The following TTLL11 variants were observed in gnomAD, a reference collection of about 807,000 sequenced individuals.
The protein encoded by TTLL11 is tubulin polyglutamylase TTLL11.
TTLL11 carries 42 observed loss-of-function variants against 51.7 expected under a neutral mutation model. That is an observed-to-expected ratio of 0.81 (90% confidence interval 0.64 to 1.05). The LOEUF is 1.05. Among genes scored for constraint, TTLL11 ranks in the 50% least tolerant of loss-of-function variants. The probability of loss-of-function intolerance (pLI) is 0.00; values close to 1 mark genes in which losing one functional copy is unlikely to be tolerated. For missense variants in TTLL11, 799 were observed against 940.4 expected, an observed-to-expected ratio of 0.85 and a Z score of 1.97; for synonymous variants, 381 against 383.5, an observed-to-expected ratio of 0.99 and a Z score of 0.08.
intron 6 of TTLL11, among the ~76,000 whole-genome samples, chr9:121,897,358 A>T (rs532234265): frequency 6.6e-6 from 1 of 152,276 alleles, no homozygotes; most frequent in African/African-American, 2.4e-5. Flanking sequence ...AAACCTGAGC[A>T]GCCTGAGCCG....
intron 6 of TTLL11, among the ~76,000 whole-genome samples, chr9:121,930,322 A>G (rs966402457): frequency 1.2e-4 from 18 of 152,232 alleles, no homozygotes; most frequent in Non-Finnish European, 1.8e-4. Context: ...AAGGCCTTCA[A>G]TTCTTCAAAG....
chr9:121,867,741 T>G (rs1410820232), intron 7 of TTLL11, among the ~76,000 whole-genome samples: 1 of 152,040 alleles, frequency 6.6e-6, no homozygotes, highest in Non-Finnish European at 1.5e-5. Context: ...CATTCTGTAC[T>G]TGGAGCACTC....
At chr9:121,849,753 GA>G (rs1837614797) in intron 8 of TTLL11, among the ~76,000 whole-genome samples, 1 of 152,166 alleles carries the variant, frequency 6.6e-6, no homozygotes, top group Non-Finnish European at 1.5e-5. Flanking sequence ...ACTAAGTGTT[GA>G]CAAGGATGTG....
At chr9:121,867,084 G>C (rs553031235) in intron 7 of TTLL11, among the ~76,000 whole-genome samples, 8 of 152,164 alleles carry the variant, frequency 5.3e-5, no homozygotes, top group Non-Finnish European at 1.0e-4. Context: ...TTCTTGGTTA[G>C]AGCCATTCTC....
chr9:121,854,666 C>T (rs939470440), intron 8 of TTLL11, among the ~76,000 whole-genome samples: 2 of 152,180 alleles, frequency 1.3e-5, no homozygotes, highest in Non-Finnish European at 2.9e-5. Context: ...AATCTTGATG[C>T]TGTCCTCATC....
intron 3 of TTLL11, among the ~76,000 whole-genome samples, chr9:122,027,729 C>T (rs1844391612): frequency 6.6e-6 from 1 of 152,114 alleles, no homozygotes; most frequent in South Asian, 2.1e-4. Context: ...AATTTGTCAC[C>T]AGCAGACCTG....
Position 121,822,649 on chromosome 9 carries a change from T to C in TTLL11, c.2071A>G (p.Asn691Asp). Reference protein sequence around the residue: ...PSPSAQPAGDNPPPRTSCANK... With the variant: ...PSPSAQPAGDDPPPRTSCANK... ...GCACAGCTGGTGCGGGGTGGGGGGT[T>C]GTCCCCTGCTGGCTGGGCCGAGGGG... Residue 691 changes from asparagine to aspartate, a missense_variant, in exon 9 of 9, where the codon AAC becomes GAC. This residue lies in a region of TTLL11 where 165 missense variants were observed against 166.1 expected (regional missense o/e 0.99). Transcript: ENST00000321582. This position sits in a 1 kb window ranked among gnomAD's most constrained non-coding sequence, Gnocchi z 5.8. The C allele has an allele frequency of 6.6e-7, 1 of 1,517,282 alleles. No individual in the cohort carries two copies. The highest frequency in any genetic ancestry group is 8.8e-7 in the Non-Finnish European group (1 of 1,131,592). The allele number at this position is 1,517,282 out of a possible 1,614,324, so 94.0% of individuals were successfully genotyped here.
intron 6 of TTLL11, among the ~76,000 whole-genome samples, chr9:121,954,019 C>T (rs1841941299): frequency 1.3e-5 from 2 of 152,322 alleles, no homozygotes; most frequent in Admixed American, 6.5e-5. Flanking sequence ...GATGACAGAG[C>T]TGGCCGAGGG....
At chr9:121,855,525 C>T (rs1459625421) in intron 8 of TTLL11, among the ~76,000 whole-genome samples, 1 of 152,154 alleles carries the variant, frequency 6.6e-6, no homozygotes, top group Non-Finnish European at 1.5e-5. Context: ...TCAGTGGGCA[C>T]CAAAGTCTTA....
chr9:121,877,875 C>A (rs923215721), intron 6 of TTLL11, among the ~76,000 whole-genome samples: 1 of 152,164 alleles, frequency 6.6e-6, no homozygotes, highest in African/African-American at 2.4e-5. Flanking sequence ...CTGCATCATG[C>A]GGCCTCCATA....
At chr9:121,877,390 C>G (rs1167490880) in intron 6 of TTLL11, among the ~76,000 whole-genome samples, 1 of 152,158 alleles carries the variant, frequency 6.6e-6, no homozygotes, top group Non-Finnish European at 1.5e-5. Context: ...TGCTAGGCAA[C>G]TTGAAGGGAA....
At position 122,018,262 on chromosome 9, in the gene TTLL11, G is replaced by A. The variant is rs375776580; in HGVS notation, c.693+13461C>T. The stretch of plus-strand genomic sequence containing the variant: ...CGAGTAGCTGGGACTACAGGCGCCC[G>A]CCACCACGCCTGGCTAATTTTTTGT... On this transcript the variant is annotated intron_variant, in intron 3 of 8. Coordinates refer to ENST00000321582, the MANE Select transcript of TTLL11 (RefSeq NM_001139442.2). Among the ~76,000 whole-genome samples, 482 of 151,846 alleles carry A rather than the reference G, an allele frequency of 3.2e-3. 5 individuals carry two copies. The highest frequency in any genetic ancestry group is 0.011 in the African/African-American group (456 of 41,402).
Position 121,853,770 on chromosome 9 carries a change from C to CTG in TTLL11, c.1840+6565_1840+6566dup, listed in dbSNP as rs910093241. Among the ~76,000 whole-genome samples the CTG allele has an allele frequency of 7.2e-5, 11 of 152,192 alleles. No individual in the cohort carries two copies. Among genetic ancestry groups the CTG allele is most frequent in the African/African-American group, 2.7e-4 (11 of 41,456 alleles). On this transcript the variant is annotated intron_variant, in intron 8 of 8. Transcript: ENST00000321582. This position sits in a 1 kb window ranked among gnomAD's most constrained non-coding sequence, Gnocchi z 5.6. ...GTCGCCAGGGTGGGATGAGGAGGGCCTGGCACTCTGTCAGCCACCAAGGGA... is the reference window on the plus strand; with the variant it reads ...GTCGCCAGGGTGGGATGAGGAGGGCCTGTGGCACTCTGTCAGCCACCAAGGGA...
At chr9:122,000,924 A>T (rs1382295569) in intron 3 of TTLL11, among the ~76,000 whole-genome samples, 1 of 152,266 alleles carries the variant, frequency 6.6e-6, no homozygotes. Flanking sequence ...AATACATAAC[A>T]GTAACAACTA....
intron 6 of TTLL11, among the ~76,000 whole-genome samples, chr9:121,968,473 T>C (rs992937539): frequency 1.3e-5 from 2 of 152,248 alleles, no homozygotes; most frequent in African/African-American, 4.8e-5. Flanking sequence ...GATTTTAAAC[T>C]AAAAAATCTG....
chr9:122,068,371 G>T (rs1334770754), intron 1 of TTLL11, among the ~76,000 whole-genome samples: 1 of 152,258 alleles, frequency 6.6e-6, no homozygotes, highest in East Asian at 1.9e-4. Flanking sequence ...GGATGTACTG[G>T]TCTACTATGT....
intron 1 of TTLL11, among the ~76,000 whole-genome samples, chr9:122,076,895 G>A (rs922932565): frequency 1.3e-5 from 2 of 152,042 alleles, no homozygotes; most frequent in South Asian, 2.1e-4. Flanking sequence ...TACTGACAGC[G>A]AAGACATCTA....
intron 3 of TTLL11, among the ~76,000 whole-genome samples, chr9:122,017,080 C>T (rs1012732244): frequency 6.6e-6 from 1 of 152,150 alleles, no homozygotes; most frequent in African/African-American, 2.4e-5. Flanking sequence ...TAAACTTAAT[C>T]CTAATTAATG....
At chr9:122,065,400 T>G (rs1308608364) in intron 1 of TTLL11, among the ~76,000 whole-genome samples, 1 of 152,166 alleles carries the variant, frequency 6.6e-6, no homozygotes, top group East Asian at 1.9e-4. Flanking sequence ...TCCTATGGGT[T>G]TTTACAGTCT....
Sources: gnomAD v4.1 joint callset for allele counts (sites outside exome capture counted in the v4.1 genomes callset) on GRCh38, gnomAD v4.1.1 for gene constraint, gnomAD v4.1.1 regional missense constraint, Gnocchi (gnomAD v3.1) non-coding constraint, MANE v1.5 for transcripts, NCBI Gene and HGNC (gene_info 2026-07-23, HGNC 2026-07-21) for gene names.